Variants in VSTM4 observed in about 807,000 individuals in gnomAD.
VSTM4 encodes V-set and transmembrane domain-containing protein 4.
VSTM4 carries 20 observed loss-of-function variants against 36.4 expected under a neutral mutation model. The observed-to-expected ratio is 0.55, with a 90% CI of 0.39 to 0.80. VSTM4 has a LOEUF of 0.80. VSTM4 is among the 30% of genes least tolerant of loss of function. The pLI, the probability that VSTM4 is intolerant of heterozygous loss-of-function variation, is 0.00. For synonymous variants in VSTM4, 182 were observed against 173.9 expected (o/e 1.05, Z -0.37); for missense variants, 392 against 404.5 (o/e 0.97, Z 0.26).
intron 5 of VSTM4, among the ~76,000 whole-genome samples, chr10:49,058,687 T>C (rs1843824100): frequency 6.6e-6 from 1 of 152,194 alleles, no homozygotes; most frequent in South Asian, 2.1e-4. Flanking sequence ...TCTTAGCAAG[T>C]CATGGAATTC....
chr10:49,064,826 G>A, intron 4 of VSTM4, 90 bp from the exon 5 acceptor site: 1 of 1,426,468 alleles, frequency 7.0e-7, no homozygotes, highest in Non-Finnish European at 9.7e-7. Context: ...CGGGAGCCAG[G>A]TGTTGTTCAG....
chr10:49,073,082 A>G (rs929475494), intron 4 of VSTM4, among the ~76,000 whole-genome samples: 1 of 152,226 alleles, frequency 6.6e-6, no homozygotes, highest in Non-Finnish European at 1.5e-5. Context: ...CATATTTATC[A>G]TATCCTTTCT....
chr10:49,044,635 T>C (rs551636389), intron 7 of VSTM4, among the ~76,000 whole-genome samples: 9 of 152,254 alleles, frequency 5.9e-5, no homozygotes, highest in African/African-American at 1.2e-4. Flanking sequence ...CATAGAGATA[T>C]GTCCTGCCAG....
At chr10:49,038,042 C>G (rs1286798294) in intron 7 of VSTM4, among the ~76,000 whole-genome samples, 1 of 151,892 alleles carries the variant, frequency 6.6e-6, no homozygotes, top group Non-Finnish European at 1.5e-5. Flanking sequence ...ATTTGGAAAA[C>G]AGTGTAGCAG....
intron 7 of VSTM4, among the ~76,000 whole-genome samples, chr10:49,042,642 T>C (rs773623827): frequency 7.2e-5 from 11 of 152,236 alleles, no homozygotes; most frequent in Non-Finnish European, 1.5e-4. Flanking sequence ...CAGAGGCTCA[T>C]GTACCCAATT....
intron 5 of VSTM4, among the ~76,000 whole-genome samples, chr10:49,056,543 CATGG>C (rs1378909267): frequency 6.6e-6 from 1 of 152,234 alleles, no homozygotes. Context: ...TCACAAAGGC[CATGG>C]ATGGATGCAT....
chr10:49,101,311 C>A (rs1253786816), intron 2 of VSTM4, among the ~76,000 whole-genome samples: 1 of 151,766 alleles, frequency 6.6e-6, no homozygotes, highest in African/African-American at 2.4e-5. Context: ...AGAAAAGTAA[C>A]AAACAGGAAT....
chr10:49,081,235 C>A (rs796753411), intron 3 of VSTM4, among the ~76,000 whole-genome samples: 1 of 152,312 alleles, frequency 6.6e-6, no homozygotes, highest in African/African-American at 2.4e-5. Context: ...AGATGGTGAA[C>A]AACACAGTCA....
intron 5 of VSTM4, among the ~76,000 whole-genome samples, chr10:49,054,644 A>T (rs1170960095): frequency 6.6e-6 from 1 of 152,230 alleles, no homozygotes; most frequent in South Asian, 2.1e-4. Context: ...TTTATGCAGG[A>T]GGAACAGCAT....
At chr10:49,091,402 TCAAA>T (rs1844471733) in intron 2 of VSTM4, among the ~76,000 whole-genome samples, 3 of 152,058 alleles carry the variant, frequency 2.0e-5, no homozygotes, top group Admixed American at 2.0e-4. Flanking sequence ...GGCCACAGGA[TCAAA>T]CAGTCAGGAA....
At chr10:49,108,122 AG>A (rs986682831) in intron 1 of VSTM4, 127 bp from the exon 2 acceptor site, 1 of 1,327,660 alleles carries the variant, frequency 7.5e-7, no homozygotes, top group African/African-American at 1.5e-5. Flanking sequence ...TGGCCAGAGA[AG>A]CAGGCGGCCC....
intron 1 of VSTM4, among the ~76,000 whole-genome samples, chr10:49,114,988 C>T (rs1844965090): frequency 6.6e-6 from 1 of 152,140 alleles, no homozygotes; most frequent in Admixed American, 6.5e-5. Flanking sequence ...CAGATCCAGC[C>T]GCTCCTGACT....
At chr10:49,061,406 T>C (rs1410704231) in intron 5 of VSTM4, among the ~76,000 whole-genome samples, 1 of 152,310 alleles carries the variant, frequency 6.6e-6, no homozygotes, top group South Asian at 2.1e-4. Flanking sequence ...CATTGGTTGA[T>C]TGTGTTGTTT....
At chr10:49,058,154 C>T (rs145298875) in intron 5 of VSTM4, among the ~76,000 whole-genome samples, 226 of 152,294 alleles carry the variant, frequency 1.5e-3, no homozygotes, top group African/African-American at 5.0e-3. Context: ...CCTTGACTTT[C>T]TGTACCATTC....
chr10:49,077,188 A>T, intron 4 of VSTM4, 31 bp downstream of exon 4: 2 of 1,608,784 alleles, frequency 1.2e-6, no homozygotes, highest in Non-Finnish European at 1.7e-6. Context: ...GTGTGCTCCC[A>T]TCCCAGACAT....
At chr10:49,087,213 A>C (rs1844385295) in intron 2 of VSTM4, among the ~76,000 whole-genome samples, 1 of 151,978 alleles carries the variant, frequency 6.6e-6, no homozygotes, top group Non-Finnish European at 1.5e-5. Context: ...CTTTTTATTC[A>C]GTTCTATATT....
chr10:49,108,025 G>A (rs962890544), intron 1 of VSTM4, 30 bp from the exon 2 acceptor site: 2 of 1,526,000 alleles, frequency 1.3e-6, no homozygotes, highest in African/African-American at 1.4e-5. Context: ...AAGAGAGGAT[G>A]AGGAGGGCCC....
chr10:49,076,676 A>G (rs569866588), intron 4 of VSTM4, among the ~76,000 whole-genome samples: 1 of 152,340 alleles, frequency 6.6e-6, no homozygotes, highest in East Asian at 1.9e-4. Context: ...CCTGAGAGGA[A>G]GGCAGGAAGG....
intron 4 of VSTM4, among the ~76,000 whole-genome samples, chr10:49,070,534 G>A (rs1564582195): frequency 6.6e-6 from 1 of 152,176 alleles, no homozygotes; most frequent in Non-Finnish European, 1.5e-5. Context: ...CAGGAAGGAT[G>A]AGCCCTGCAC....
Sources: allele counts gnomAD v4.1 joint callset (sites outside exome capture counted in the v4.1 genomes callset), GRCh38; gene constraint gnomAD v4.1.1; transcripts MANE v1.5; gene names NCBI Gene and HGNC (gene_info 2026-07-23, HGNC 2026-07-21).